ANO2: variants seen among roughly 807,000 people sequenced by gnomAD.
ANO2 encodes the protein anoctamin-2.
Under a neutral mutation model 124.2 loss-of-function variants are expected in ANO2, and 101 were observed. That is an observed-to-expected ratio of 0.81 (90% CI 0.69 to 0.96). The LOEUF (loss-of-function observed/expected upper bound fraction) is 0.96. ANO2 is among the 40% of genes least tolerant of loss of function. ANO2 has a pLI of 0.00. For synonymous variants in ANO2, 486 were observed against 482.5 expected (o/e 1.01, Z -0.09); for missense variants, 1,293 against 1,274.5 (o/e 1.01, Z -0.22).
intron 7 of ANO2, among the ~76,000 whole-genome samples, chr12:5,815,125 T>A (rs763103193): frequency 5.9e-5 from 9 of 152,090 alleles, no homozygotes; most frequent in Non-Finnish European, 1.2e-4. Context: ...AAGAAAAAAA[T>A]AAATGAGCAG....
At chr12:5,809,413 T>C (rs1177838453) in intron 7 of ANO2, among the ~76,000 whole-genome samples, 1 of 152,102 alleles carries the variant, frequency 6.6e-6, no homozygotes, top group Admixed American at 6.5e-5. Context: ...CCCCAGAACC[T>C]ACCCAACCCA....
At chr12:5,885,232 G>C (rs984608760) in intron 3 of ANO2, among the ~76,000 whole-genome samples, 3 of 152,210 alleles carry the variant, frequency 2.0e-5, no homozygotes, top group African/African-American at 4.8e-5. Context: ...AAAGTTATTA[G>C]GAAGGAGTGA....
chr12:5,842,925 TA>T (rs889451882), intron 4 of ANO2, among the ~76,000 whole-genome samples: 2 of 152,088 alleles, frequency 1.3e-5, no homozygotes, highest in Non-Finnish European at 2.9e-5. Flanking sequence ...ACAAAATGAA[TA>T]AAAAGCATTC....
At chr12:5,831,982 G>A (rs147159381) in intron 5 of ANO2, among the ~76,000 whole-genome samples, 8 of 152,264 alleles carry the variant, frequency 5.3e-5, no homozygotes, top group Admixed American at 5.2e-4. Context: ...TGCAGGGACA[G>A]GGAAAGACCC....
chr12:5,581,496 T>C lies in ANO2; in HGVS notation c.2234-2978A>G, dbSNP rs11063764. On this transcript the variant is annotated intron_variant, in intron 20 of 24. Transcript: ENST00000682330. The stretch of plus-strand genomic sequence containing the variant: ...TCTCCACTTCCTCTTCTCTCTTCAT[T>C]TGAACTCCAGAGGCAGACATGAATG... 1.4e-3 allele frequency among the ~76,000 whole-genome samples: 213 copies of C among 152,298 alleles called. 2 individuals are homozygous for C. In the East Asian group the frequency reaches 0.037, roughly 26 times the overall value.
chr12:5,601,848 A>T (rs1215781943), intron 19 of ANO2, among the ~76,000 whole-genome samples: 1 of 152,242 alleles, frequency 6.6e-6, no homozygotes, highest in South Asian at 2.1e-4. Context: ...CGGACAGTGT[A>T]CGAGGGAGTC....
chr12:5,666,217 G>C (rs1158313378), intron 14 of ANO2, among the ~76,000 whole-genome samples: 1 of 152,158 alleles, frequency 6.6e-6, no homozygotes, highest in Admixed American at 6.5e-5. Flanking sequence ...GAAAAGAGTA[G>C]GCAACCTGGA....
intron 12 of ANO2, among the ~76,000 whole-genome samples, chr12:5,742,926 T>G (rs1372307871): frequency 6.6e-6 from 1 of 151,766 alleles, no homozygotes; most frequent in Admixed American, 6.6e-5. Context: ...TTCCATTTCC[T>G]CCTGCTCCCT....
Position 5,744,292 on chromosome 12 carries a change from C to G in ANO2, c.1216G>C (p.Ala406Pro). 6.2e-7 allele frequency: 1 copy of G among 1,613,968 alleles called. No individual in the cohort carries two copies. Among genetic ancestry groups the G allele is most frequent in the Non-Finnish European group, 8.5e-7 (1 of 1,179,864 alleles). ...PSREMCDQQN[A>P]FTMCPLCDKS... ...TCACACAGGGGACACATGGTGAAGGCATTCTGCTGGTCACACATCTCTCTG... is the reference window on the plus strand; with the variant it reads ...TCACACAGGGGACACATGGTGAAGGGATTCTGCTGGTCACACATCTCTCTG... Residue 406 changes from alanine to proline, a missense_variant, in exon 12 of 25, where the codon GCC becomes CCC. Ala to Pro is a conservative substitution (Grantham distance 27, BLOSUM62 -1). Transcript: ENST00000682330.
chr12:5,649,073 A>C (rs771783316), intron 14 of ANO2, among the ~76,000 whole-genome samples: 13 of 152,174 alleles, frequency 8.5e-5, no homozygotes, highest in East Asian at 1.9e-4. Context: ...TGACATGATC[A>C]CTACTCCTGG....
chr12:5,647,681 T>C, intron 15 of ANO2, 46 bp downstream of exon 15: 5 of 1,390,214 alleles, frequency 3.6e-6, no homozygotes, highest in Non-Finnish European at 5.1e-6. Context: ...CATAACAGCA[T>C]CTACATGCAT....
intron 20 of ANO2, among the ~76,000 whole-genome samples, chr12:5,594,133 G>C (rs1276961061): frequency 6.6e-6 from 1 of 152,122 alleles, no homozygotes; most frequent in African/African-American, 2.4e-5. Flanking sequence ...AATCCAGCTT[G>C]AAAAACCCCT....
rs570793510 is a variant in ANO2, at chr12:5,922,801, A to G, written c.26T>C (p.Ile9Thr). Residue 9 changes from isoleucine (I) to threonine (T), a missense_variant, in exon 2 of 25, where the codon ATA (isoleucine) becomes ACA (threonine). Coordinates refer to ENST00000682330, the MANE Select transcript of ANO2 (RefSeq NM_001364791.2). MATPGPRD[I>T]PLLPGSPRRL... ...GCGTGGGGAGCCAGGGAGCAGGGGT[A>G]TATCTGTGAGAGGGAAAGACAAGGG... The G allele has an allele frequency of 2.0e-6, 3 of 1,500,940 alleles. No individual in the cohort carries two copies. Among genetic ancestry groups the G allele is most frequent in the Non-Finnish European group, 8.9e-7 (1 of 1,125,858 alleles). 93.0% of individuals were successfully genotyped at this position (1,500,940 alleles called of 1,614,324 possible). A position where few individuals can be genotyped will look rare whatever the true frequency, so the allele number is the denominator to read the frequency against.
At chr12:5,591,221 G>A (rs746275381) in intron 20 of ANO2, among the ~76,000 whole-genome samples, 54 of 152,126 alleles carry the variant, frequency 3.5e-4, no homozygotes, top group Non-Finnish European at 6.8e-4. Flanking sequence ...CTATGCACAC[G>A]GGGAAAATCA....
intron 14 of ANO2, among the ~76,000 whole-genome samples, chr12:5,665,921 T>G (rs1451601441): frequency 6.6e-6 from 1 of 152,016 alleles, no homozygotes; most frequent in Non-Finnish European, 1.5e-5. Flanking sequence ...TCATAACAAA[T>G]GATTAACGCA....
At chr12:5,846,288 T>C (rs758823695) in intron 4 of ANO2, among the ~76,000 whole-genome samples, 6 of 152,168 alleles carry the variant, frequency 3.9e-5, no homozygotes, top group Non-Finnish European at 8.8e-5. Flanking sequence ...CAAACAGGAA[T>C]GGAACATGAA....
In ANO2 at chr12:5,732,503, C is replaced by A. The variant is rs769015929; in HGVS notation, c.1545+17G>T. ...AACAAGTAAAGAGGACCGTGAGCAG[C>A]AAGTCCAGCTTCATACCTCATCGCC... is the stretch of plus-strand genomic sequence containing the variant. On this transcript the variant is annotated intron_variant, in intron 14 of 24. Coordinates refer to ENST00000682330, the MANE Select transcript of ANO2 (RefSeq NM_001364791.2). 4 of 1,597,108 alleles carry A rather than the reference C, an allele frequency of 2.5e-6. No individual in the cohort carries two copies. The East Asian group carries it at 8.9e-5, about 36-fold the overall frequency.
chr12:5,857,754 G>A lies in ANO2; in HGVS notation c.535-3613C>T, dbSNP rs538209965. Among the ~76,000 whole-genome samples the A allele has an allele frequency of 2.0e-4, 30 of 149,492 alleles. No individual in the cohort carries two copies. In the South Asian group the frequency reaches 6.3e-3, roughly 32 times the overall value. On this transcript the variant is annotated intron_variant, in intron 3 of 24. Coordinates refer to ENST00000682330, the MANE Select transcript of ANO2 (RefSeq NM_001364791.2). ...TCAACCTAAATGTCCATCAAGAGAG[G>A]AATGGATAAAAGAAATGTGATAGAT...
intron 20 of ANO2, chr12:5,583,862 G>A (rs1012869245): frequency 2.1e-5 from 4 of 192,658 alleles, no homozygotes; most frequent in Admixed American, 5.6e-5. Flanking sequence ...ATATCATCAT[G>A]GTGAACAAAG....
Sources: allele counts gnomAD v4.1 joint callset (sites outside exome capture counted in the v4.1 genomes callset), GRCh38; gene constraint gnomAD v4.1.1; transcripts MANE v1.5; gene names NCBI Gene and HGNC (gene_info 2026-07-23, HGNC 2026-07-21).